FGFR2: variants seen among roughly 807,000 people sequenced by gnomAD.
FGFR2 encodes BEK fibroblast growth factor receptor.
In FGFR2, 19 loss-of-function variants were observed where a neutral mutation model predicts 95.9. That is an observed-to-expected ratio of 0.20 (90% CI 0.14 to 0.29). FGFR2 has a LOEUF of 0.29. Among genes scored for constraint, FGFR2 ranks in the 10% least tolerant of loss-of-function variants. FGFR2 has a pLI of 1.00. For synonymous variants in FGFR2, 392 were observed against 393.3 expected, an observed-to-expected ratio of 1.00 and a Z score of 0.04; for missense variants, 707 against 1,056.9, an observed-to-expected ratio of 0.67 and a Z score of 4.59.
chr10:121,511,220 C>T (rs949615839), intron 9 of FGFR2, among the ~76,000 whole-genome samples: 18 of 151,850 alleles, frequency 1.2e-4, no homozygotes, highest in East Asian at 3.9e-4. Flanking sequence ...ACCATGCTGA[C>T]GGCAGTGAGA....
Position 121,479,619 on chromosome 10 carries a change from G to GGTTA in FGFR2, c.*234_*237dup. On this transcript the variant is annotated 3_prime_UTR_variant, in exon 18 of 18. Coordinates refer to ENST00000358487, the MANE Select transcript of FGFR2 (RefSeq NM_000141.5). ...GCCAGTACGCACGGCAGGTGAGAGG[G>GGTTA]GTTACATGGTGGCTTGTGGCAGTCC... is the stretch of plus-strand genomic sequence containing the variant. 1 of 1,551,688 alleles carries GGTTA rather than the reference G, an allele frequency of 6.4e-7. No individual in the cohort carries two copies.
rs41295569 is a variant in FGFR2 at position 121,515,442 on chromosome 10, G to A, written c.1085-123C>T. 1.5e-3 allele frequency: 1,488 copies of A among 966,768 alleles called. 7 individuals carry two copies. The highest frequency in any genetic ancestry group is 7.7e-3 in the African/African-American group (481 of 62,310). 59.9% of individuals were successfully genotyped at this position (966,768 alleles called of 1,614,324 possible). ...GACGACCATTCTCAAGGCAAGGTGG[G>A]CTTCCCAAAAACTCCCAAATGAAAA... On this transcript the variant is annotated intron_variant, in intron 8 of 17. Coordinates refer to ENST00000358487, the MANE Select transcript of FGFR2 (RefSeq NM_000141.5).
At chr10:121,481,233 C>G in intron 17 of FGFR2, among the ~76,000 whole-genome samples, 1 of 152,166 alleles carries the variant, frequency 6.6e-6, no homozygotes, top group East Asian at 1.9e-4. Context: ...TGGGCTGGCA[C>G]AGTGGGGCAG....
At chr10:121,597,918 C>A (rs1042834228) in intron 1 of FGFR2, 44 bp downstream of exon 1, 2 of 389,882 alleles carry the variant, frequency 5.1e-6, no homozygotes, top group East Asian at 3.6e-5. Context: ...GCGCCCACGT[C>A]CCCGGCTGGC....
intron 13 of FGFR2, among the ~76,000 whole-genome samples, chr10:121,489,704 C>G (rs751946283): frequency 2.0e-4 from 31 of 152,200 alleles, no homozygotes; most frequent in Non-Finnish European, 4.1e-4. Context: ...AATCGGAGAG[C>G]TATACACCGG....
At chr10:121,556,367 T>G (rs758357282) in intron 4 of FGFR2, among the ~76,000 whole-genome samples, 13 of 150,392 alleles carry the variant, frequency 8.6e-5, no homozygotes, top group Non-Finnish European at 1.5e-4. Context: ...CTTGCACATC[T>G]CAATGCTGAC....
chr10:121,552,384 G>C (rs946628132), intron 4 of FGFR2, among the ~76,000 whole-genome samples: 1 of 152,198 alleles, frequency 6.6e-6, no homozygotes, highest in Non-Finnish European at 1.5e-5. Context: ...TGCTCAAAGA[G>C]TTTTTACATG....
intron 6 of FGFR2, chr10:121,530,560 T>C (rs1851954976): frequency 6.6e-6 from 1 of 152,244 alleles, no homozygotes; most frequent in Non-Finnish European, 1.5e-5. Flanking sequence ...AGACGGAGGT[T>C]GCAGTGGGCC....
intron 6 of FGFR2, among the ~76,000 whole-genome samples, chr10:121,529,194 C>T (rs1290949963): frequency 1.3e-5 from 2 of 152,072 alleles, no homozygotes; most frequent in Admixed American, 6.6e-5. Flanking sequence ...CTGCAACCTC[C>T]GCCTCCCACG....
chr10:121,559,911 T>C (rs1225326876), intron 4 of FGFR2, among the ~76,000 whole-genome samples: 4 of 152,210 alleles, frequency 2.6e-5, no homozygotes, highest in Admixed American at 1.3e-4. Flanking sequence ...TTGCATTCTA[T>C]TGCTTCACAT....
intron 4 of FGFR2, among the ~76,000 whole-genome samples, chr10:121,555,024 C>G (rs1232764085): frequency 6.6e-6 from 1 of 152,206 alleles, no homozygotes; most frequent in Non-Finnish European, 1.5e-5. Context: ...AAGCAGAGAT[C>G]AGCCTTGTCC....
intron 6 of FGFR2, among the ~76,000 whole-genome samples, chr10:121,529,640 G>A (rs755722633): frequency 1.3e-5 from 2 of 152,184 alleles, no homozygotes; most frequent in African/African-American, 2.4e-5. Flanking sequence ...ATTTGGGATG[G>A]ACAGAATTCC....
chr10:121,583,280 A>G lies in FGFR2; in HGVS notation c.109+10429T>C, dbSNP rs558002382. Reference sequence around the variant, plus strand: ...GCCTTGACTTCATACCCAGTCGTAAATCAGAAATTCTGGGAAGAAAAGCTT... The same window carrying G: ...GCCTTGACTTCATACCCAGTCGTAAGTCAGAAATTCTGGGAAGAAAAGCTT... On this transcript the variant is annotated intron_variant, in intron 2 of 17. Coordinates refer to ENST00000358487, the MANE Select transcript of FGFR2 (RefSeq NM_000141.5). The G allele has an allele frequency of 3.3e-5, 5 of 152,370 alleles. No homozygotes were observed. In the South Asian group the frequency reaches 8.3e-4, roughly 25 times the overall value. 9.4% of individuals were successfully genotyped at this position (152,370 alleles called of 1,614,324 possible).
rs57571942 is a variant in FGFR2, at chr10:121,481,875, C to T, written c.2301+1823G>A. 0.014 allele frequency: 2,829 copies of T among 201,264 alleles called. 82 individuals carry two copies. The highest frequency in any genetic ancestry group is 0.071 in the African/African-American group (2,506 of 35,518). 12.5% of individuals were successfully genotyped at this position (201,264 alleles called of 1,614,324 possible). On this transcript the variant is annotated intron_variant, in intron 17 of 17. Coordinates refer to ENST00000358487, the MANE Select transcript of FGFR2 (RefSeq NM_000141.5). ...TTTTTGAGACGGAGTCTCGCTCTGT[C>T]GCCAAGGCTGGAATGCAATGGCATG...
intron 9 of FGFR2, among the ~76,000 whole-genome samples, chr10:121,509,310 C>T (rs1237812382): frequency 1.3e-5 from 2 of 151,802 alleles, no homozygotes; most frequent in African/African-American, 4.8e-5. Context: ...GACTCCAATT[C>T]CATTTCCTCA....
chr10:121,492,479 G>A (rs1846269267), intron 13 of FGFR2, among the ~76,000 whole-genome samples: 1 of 151,980 alleles, frequency 6.6e-6, no homozygotes, highest in Non-Finnish European at 1.5e-5. Context: ...CATCTCAATC[G>A]GCCCAGCGCT....
intron 2 of FGFR2, among the ~76,000 whole-genome samples, chr10:121,574,390 A>G (rs1859352755): frequency 6.6e-6 from 1 of 152,024 alleles, no homozygotes; most frequent in Non-Finnish European, 1.5e-5. Flanking sequence ...TTAGATGGGC[A>G]TGGTGGTGTG....
intron 12 of FGFR2, among the ~76,000 whole-genome samples, chr10:121,497,211 T>A (rs1846982289): frequency 1.3e-5 from 2 of 150,806 alleles, no homozygotes; most frequent in African/African-American, 4.9e-5. Context: ...ATGATTATAA[T>A]CTCTCCAAAA....
chr10:121,521,036 T>C (rs548800688), intron 6 of FGFR2, among the ~76,000 whole-genome samples: 47 of 152,342 alleles, frequency 3.1e-4, no homozygotes, highest in African/African-American at 1.1e-3. Flanking sequence ...ACAGATTTGA[T>C]TAATAATGGG....
Sources: allele counts gnomAD v4.1 joint callset (sites outside exome capture counted in the v4.1 genomes callset), GRCh38; gene constraint gnomAD v4.1.1; transcripts MANE v1.5; gene names NCBI Gene and HGNC (gene_info 2026-07-23, HGNC 2026-07-21).